The following ZNF804B variants were observed in gnomAD, a reference collection of about 807,000 sequenced individuals.
The protein encoded by ZNF804B is zinc finger 804B.
Under a neutral mutation model 101.4 loss-of-function variants are expected in ZNF804B, and 80 were observed. The observed-to-expected ratio is 0.79, with a 90% CI of 0.66 to 0.95. The LOEUF (loss-of-function observed/expected upper bound fraction) is 0.95, where lower values mean the gene tolerates loss of function less well. ZNF804B is among the 40% of genes least tolerant of loss of function. The probability of loss-of-function intolerance (pLI) is 0.00; values close to 1 mark genes in which losing one functional copy is unlikely to be tolerated. For synonymous variants in ZNF804B, 622 were observed against 558.8 expected (o/e 1.11, Z -1.59); for missense variants, 1,673 against 1,561.9 (o/e 1.07, Z -1.20).
At chr7:88,905,116 T>C (rs1412752699) in intron 1 of ZNF804B, among the ~76,000 whole-genome samples, 1 of 152,188 alleles carries the variant, frequency 6.6e-6, no homozygotes, top group African/African-American at 2.4e-5. Context: ...TTTTGAGTCA[T>C]CTTCCTTTGA....
intron 1 of ZNF804B, among the ~76,000 whole-genome samples, chr7:89,034,771 T>C (rs1408542435): frequency 1.3e-5 from 2 of 152,188 alleles, no homozygotes; most frequent in Non-Finnish European, 2.9e-5. Flanking sequence ...TACCCAGTAA[T>C]GGGATTGCTG....
At chr7:89,176,309 G>A (rs1791317241) in intron 1 of ZNF804B, among the ~76,000 whole-genome samples, 1 of 151,820 alleles carries the variant, frequency 6.6e-6, no homozygotes, top group South Asian at 2.1e-4. Flanking sequence ...CATGAAGAGA[G>A]GTTGAATTTT....
At chr7:88,878,664 C>T (rs1237966428) in intron 1 of ZNF804B, among the ~76,000 whole-genome samples, 2 of 152,072 alleles carry the variant, frequency 1.3e-5, no homozygotes, top group Admixed American at 1.3e-4. Flanking sequence ...TTGAAATAAT[C>T]ATGAAGAAAT....
rs1334103000 is a variant in ZNF804B at position 89,336,844 on chromosome 7, C to G, written c.3862C>G (p.Pro1288Ala). 1 of 1,614,092 alleles carries G rather than the reference C, an allele frequency of 6.2e-7. No homozygotes were observed. Among genetic ancestry groups the G allele is most frequent in the Non-Finnish European group, 8.5e-7 (1 of 1,179,992 alleles). The change falls in exon 4 of 4, where the codon CCT becomes GCT. Residue 1288 changes from proline (P) to alanine (A), a missense_variant. Physicochemically the swap from Pro to Ala is conservative, Grantham distance 27. Transcript: ENST00000333190. The stretch of plus-strand genomic sequence containing the variant: ...TCACATAACACTTCAGCCTCTGCCC[C>G]CTACAGCATTTATTCCTACATTGTT... ...PSHITLQPLP[P>A]TAFIPTLFGP...
chr7:89,248,425 AC>A (rs1450482744), intron 2 of ZNF804B, among the ~76,000 whole-genome samples: 1 of 151,612 alleles, frequency 6.6e-6, no homozygotes, highest in African/African-American at 2.4e-5. Context: ...CAGAAGCCTT[AC>A]AAACCAGGAG....
chr7:88,945,532 CA>C (rs1270183795), intron 1 of ZNF804B, among the ~76,000 whole-genome samples: 1 of 152,054 alleles, frequency 6.6e-6, no homozygotes, highest in Non-Finnish European at 1.5e-5. Flanking sequence ...ATGATTCCTC[CA>C]GCTTTGTTCT....
At chr7:89,203,078 C>G (rs892741931) in intron 1 of ZNF804B, among the ~76,000 whole-genome samples, 1 of 152,022 alleles carries the variant, frequency 6.6e-6, no homozygotes, top group Non-Finnish European at 1.5e-5. Flanking sequence ...TGGAGCCCAA[C>G]TCAGTATGGC....
chr7:89,168,566 C>T (rs989478904), intron 1 of ZNF804B, among the ~76,000 whole-genome samples: 1 of 151,616 alleles, frequency 6.6e-6, no homozygotes, highest in Non-Finnish European at 1.5e-5. Context: ...GACTTGTGGT[C>T]AGTTGGTTAG....
intron 2 of ZNF804B, among the ~76,000 whole-genome samples, chr7:89,279,989 A>G (rs914947741): frequency 3.9e-5 from 6 of 151,942 alleles, no homozygotes; most frequent in African/African-American, 1.5e-4. Context: ...CTATTCCAAA[A>G]TTGACCACAT....
chr7:88,978,457 C>G (rs951088268), intron 1 of ZNF804B, among the ~76,000 whole-genome samples: 21 of 151,596 alleles, frequency 1.4e-4, no homozygotes, highest in Non-Finnish European at 3.0e-4. Flanking sequence ...GAATTGACAC[C>G]TTTGTTATTT....
chr7:89,126,811 G>T (rs1262126677), intron 1 of ZNF804B, among the ~76,000 whole-genome samples: 2 of 151,782 alleles, frequency 1.3e-5, no homozygotes, highest in African/African-American at 4.8e-5. Context: ...ATGAAGATTT[G>T]TAGGCCATAA....
intron 1 of ZNF804B, among the ~76,000 whole-genome samples, chr7:88,801,587 A>G (rs1399861256): frequency 6.6e-6 from 1 of 152,130 alleles, no homozygotes; most frequent in Non-Finnish European, 1.5e-5. Flanking sequence ...CAATTTGCAA[A>G]TGTAAATCAT....
At chr7:89,021,545 G>A (rs1357022329) in intron 1 of ZNF804B, among the ~76,000 whole-genome samples, 3 of 152,308 alleles carry the variant, frequency 2.0e-5, no homozygotes, top group African/African-American at 4.8e-5. Context: ...CAAACTGTTT[G>A]TCACACTCTG....
chr7:89,331,286 A>G (rs1018622794), intron 3 of ZNF804B, among the ~76,000 whole-genome samples: 2 of 151,690 alleles, frequency 1.3e-5, no homozygotes, highest in Non-Finnish European at 3.0e-5. Flanking sequence ...ACTTCCTTCT[A>G]TCTGCAGGCT....
intron 1 of ZNF804B, among the ~76,000 whole-genome samples, chr7:89,148,213 A>G (rs1338530039): frequency 6.6e-6 from 1 of 152,104 alleles, no homozygotes; most frequent in African/African-American, 2.4e-5. Flanking sequence ...TAATATCTAT[A>G]TCTTAGGATT....
chr7:89,211,814 C>T (rs118054254), intron 1 of ZNF804B, among the ~76,000 whole-genome samples: 1,659 of 152,210 alleles, frequency 0.011, 45 homozygotes, highest in East Asian at 0.093. Flanking sequence ...TTAGGATTGT[C>T]ATTGCTACAC....
intron 1 of ZNF804B, among the ~76,000 whole-genome samples, chr7:89,205,681 G>A (rs777083860): frequency 2.6e-5 from 4 of 152,148 alleles, no homozygotes; most frequent in Non-Finnish European, 4.4e-5. Flanking sequence ...CTGTGACTTT[G>A]CAGGGTACAT....
intron 1 of ZNF804B, among the ~76,000 whole-genome samples, chr7:88,996,810 A>G (rs1186134106): frequency 6.6e-6 from 1 of 152,222 alleles, no homozygotes. Context: ...AATCTGAACA[A>G]ACTTGACCTA....
In ZNF804B at chr7:89,064,655, T is replaced by A. The variant is rs560613006; in HGVS notation, c.109-153500T>A. Among the ~76,000 whole-genome samples, 11 of 152,284 alleles carry A rather than the reference T, an allele frequency of 7.2e-5. No individual in the cohort carries two copies. The East Asian group carries it at 1.9e-3, about 27-fold the overall frequency. On this transcript the variant is annotated intron_variant, in intron 1 of 3. Coordinates refer to ENST00000333190, the MANE Select transcript of ZNF804B (RefSeq NM_181646.5). ...TCTAACCCCTAAGGTTCCCTTCTGGTGGGGCATGTCATGTGCACAGTAAGA... is the reference window on the plus strand; with the variant it reads ...TCTAACCCCTAAGGTTCCCTTCTGGAGGGGCATGTCATGTGCACAGTAAGA...
Sources: allele counts gnomAD v4.1 joint callset (sites outside exome capture counted in the v4.1 genomes callset), GRCh38; gene constraint gnomAD v4.1.1; transcripts MANE v1.5; gene names NCBI Gene and HGNC (gene_info 2026-07-23, HGNC 2026-07-21).